NTM: variants seen among roughly 807,000 people sequenced by gnomAD.
NTM encodes IgLON family member 2.
Under a neutral mutation model 42.1 loss-of-function variants are expected in NTM, and 13 were observed. The ratio of observed to expected loss-of-function variants is 0.31; its 90% CI spans 0.20 to 0.49. The LOEUF (loss-of-function observed/expected upper bound fraction) is 0.49. Ranked by LOEUF, NTM falls within the 20% of genes least tolerant of loss-of-function variation. The probability of loss-of-function intolerance (pLI) is 0.99; values close to 1 mark genes in which losing one functional copy is unlikely to be tolerated. For missense variants in NTM, 373 were observed against 452.8 expected, an observed-to-expected ratio of 0.82 and a Z score of 1.60; for synonymous variants, 187 against 179.2, an observed-to-expected ratio of 1.04 and a Z score of -0.35.
At chr11:132,064,564 C>A (rs2081159510) in intron 2 of NTM, among the ~76,000 whole-genome samples, 2 of 152,142 alleles carry the variant, frequency 1.3e-5, no homozygotes, top group South Asian at 4.1e-4. Flanking sequence ...AGGCCTCCTA[C>A]AATGTAGTGA....
intron 3 of NTM, among the ~76,000 whole-genome samples, chr11:132,172,479 G>A (rs1310074175): frequency 6.6e-6 from 1 of 152,156 alleles, no homozygotes; most frequent in African/African-American, 2.4e-5. Context: ...GGATGTGGGG[G>A]AAATGCATTC....
chr11:131,476,146 A>C (rs1952916649), intron 1 of NTM, among the ~76,000 whole-genome samples: 2 of 152,186 alleles, frequency 1.3e-5, no homozygotes, highest in Admixed American at 1.3e-4. Context: ...AACTAAATCT[A>C]TACTTACTCT....
intron 2 of NTM, among the ~76,000 whole-genome samples, chr11:131,993,303 G>T (rs1358221070): frequency 2.6e-5 from 4 of 152,076 alleles, no homozygotes; most frequent in Admixed American, 2.6e-4. Flanking sequence ...AGAGAGGAGG[G>T]CTATCGGGAA....
chr11:131,926,567 A>G (rs185701707), intron 2 of NTM, among the ~76,000 whole-genome samples: 121 of 152,264 alleles, frequency 7.9e-4, no homozygotes, highest in African/African-American at 2.8e-3. Context: ...GCAGGCAGTC[A>G]GCAAAGGGAT....
At chr11:131,995,859 A>C (rs2067911362) in intron 2 of NTM, among the ~76,000 whole-genome samples, 1 of 151,860 alleles carries the variant, frequency 6.6e-6, no homozygotes, top group Non-Finnish European at 1.5e-5. Context: ...ACATGCAGGA[A>C]AATAGGAATT....
intron 2 of NTM, among the ~76,000 whole-genome samples, chr11:132,038,613 C>T (rs1275317265): frequency 6.6e-6 from 1 of 152,176 alleles, no homozygotes; most frequent in Admixed American, 6.5e-5. Flanking sequence ...ACATTGGATC[C>T]GTGTTCAGTC....
chr11:131,697,444 C>T (rs1188452481), intron 1 of NTM, among the ~76,000 whole-genome samples: 1 of 152,116 alleles, frequency 6.6e-6, no homozygotes, highest in African/African-American at 2.4e-5. Flanking sequence ...AATTGTTGGC[C>T]CTCCATTATC....
At chr11:131,759,889 A>T (rs1336148061) in intron 1 of NTM, among the ~76,000 whole-genome samples, 1 of 152,132 alleles carries the variant, frequency 6.6e-6, no homozygotes, top group African/African-American at 2.4e-5. Flanking sequence ...TTTTTAAGGT[A>T]TTCTTCACAG....
chr11:131,874,034 TA>T (rs1216627140), intron 1 of NTM, among the ~76,000 whole-genome samples: 3 of 25,500 alleles, frequency 1.2e-4, no homozygotes, highest in African/African-American at 6.3e-4. Flanking sequence ...TAATATAATA[TA>T]TATATATATA....
At chr11:131,624,616 C>T (rs1010757488) in intron 1 of NTM, among the ~76,000 whole-genome samples, 1 of 152,188 alleles carries the variant, frequency 6.6e-6, no homozygotes, top group Non-Finnish European at 1.5e-5. Context: ...CATGGCCACT[C>T]ATAGTGTTGT....
chr11:131,923,911 G>A (rs549795526), intron 2 of NTM, among the ~76,000 whole-genome samples: 2 of 152,216 alleles, frequency 1.3e-5, no homozygotes, highest in Non-Finnish European at 2.9e-5. Flanking sequence ...ACATGGATTA[G>A]CCTTGCTGTG....
intron 1 of NTM, among the ~76,000 whole-genome samples, chr11:131,509,918 TATCTC>T (rs1336826944): frequency 2.0e-5 from 3 of 152,070 alleles, no homozygotes; most frequent in Admixed American, 6.5e-5. Flanking sequence ...TAAAGACACA[TATCTC>T]AGGGCATCAA....
At position 132,148,252 on chromosome 11, in the gene NTM, G is replaced by A. The variant is rs571258895; in HGVS notation, c.400+1738G>A. 3.5e-4 allele frequency among the ~76,000 whole-genome samples: 54 copies of A among 152,280 alleles called. 1 individual carries two copies. Among genetic ancestry groups the A allele is most frequent in the African/African-American group, 1.1e-3 (47 of 41,574 alleles). On this transcript the variant is annotated intron_variant, in intron 3 of 8. Transcript: ENST00000683400. ...AGAGTGTATTACAAAGAGTGGAGTA[G>A]GTATTGCCATGTGAGATTTTTGTTT...
At chr11:131,593,750 C>T (rs1041473819) in intron 1 of NTM, among the ~76,000 whole-genome samples, 3 of 152,210 alleles carry the variant, frequency 2.0e-5, no homozygotes, top group African/African-American at 7.2e-5. Flanking sequence ...TTCTTTTGCG[C>T]CACATTCTGT....
chr11:132,094,459 G>A (rs1157529181), intron 2 of NTM, among the ~76,000 whole-genome samples: 1 of 152,050 alleles, frequency 6.6e-6, no homozygotes, highest in Non-Finnish European at 1.5e-5. Flanking sequence ...GTGGCTACTC[G>A]GGTGTCTCTC....
intron 4 of NTM, among the ~76,000 whole-genome samples, chr11:132,225,309 T>TAAAA (rs2085982432): frequency 6.8e-6 from 1 of 146,200 alleles, no homozygotes; most frequent in Admixed American, 6.7e-5. Flanking sequence ...TGGAGAAAAA[T>TAAAA]TAAAAAAAAA....
chr11:131,557,858 C>T (rs759187055), intron 1 of NTM, among the ~76,000 whole-genome samples: 86 of 152,258 alleles, frequency 5.6e-4, no homozygotes, highest in African/African-American at 2.0e-3. Context: ...AAGAACTAAG[C>T]TCCAGAGTCA....
intron 1 of NTM, among the ~76,000 whole-genome samples, chr11:131,564,819 C>T (rs965093208): frequency 2.0e-5 from 3 of 152,116 alleles, no homozygotes; most frequent in African/African-American, 7.2e-5. Context: ...AATATTCTTA[C>T]AACACACATG....
intron 1 of NTM, among the ~76,000 whole-genome samples, chr11:131,793,946 G>C (rs1395536533): frequency 6.6e-6 from 1 of 152,240 alleles, no homozygotes; most frequent in Non-Finnish European, 1.5e-5. Context: ...TAGAGTGCTG[G>C]AGGGATTGAC....
Sources: allele counts gnomAD v4.1 joint callset (sites outside exome capture counted in the v4.1 genomes callset), GRCh38; gene constraint gnomAD v4.1.1; transcripts MANE v1.5; gene names NCBI Gene and HGNC (gene_info 2026-07-23, HGNC 2026-07-21).